Variants in TOR1AIP1 observed in about 807,000 individuals in gnomAD.
The protein encoded by TOR1AIP1 is torsin-1A-interacting protein 1.
TOR1AIP1 carries 54 observed loss-of-function variants against 63.3 expected under a neutral mutation model. The ratio of observed to expected loss-of-function variants is 0.85; its 90% CI spans 0.69 to 1.07. The LOEUF (loss-of-function observed/expected upper bound fraction) is 1.07, where lower values mean the gene tolerates loss of function less well. Among genes scored for constraint, TOR1AIP1 ranks in the 50% least tolerant of loss-of-function variants. TOR1AIP1 has a pLI of 0.00. For missense variants in TOR1AIP1, 736 were observed against 715.0 expected (o/e 1.03, Z -0.33); for synonymous variants, 294 against 273.5 (o/e 1.07, Z -0.74).
Position 179,918,444 on chromosome 1 carries a change from T to A in TOR1AIP1, c.*205T>A. 1 of 578,460 alleles carries A rather than the reference T, an allele frequency of 1.7e-6. No homozygotes were observed. The highest frequency in any genetic ancestry group is 2.2e-5 in the South Asian group (1 of 44,634). The allele number at this position is 578,460 out of a possible 1,614,324, so 35.8% of individuals were successfully genotyped here. ...AATCATTTCAGTTTCCATTGAGAGC[T>A]CTGTTAAAGGTATCTTAGGAGTGCA... is the stretch of plus-strand genomic sequence containing the variant. On this transcript the variant is annotated 3_prime_UTR_variant, in exon 10 of 10. Coordinates refer to ENST00000606911, the MANE Select transcript of TOR1AIP1 (RefSeq NM_015602.4).
At chr1:179,892,660 G>C (rs1290274) in intron 3 of TOR1AIP1, among the ~76,000 whole-genome samples, 139,878 of 149,814 alleles carry the variant, frequency 0.93, 65,383 homozygotes, top group Middle Eastern at 0.97. Flanking sequence ...ATGGCGTGAA[G>C]TTGGGAGGTG....
At chr1:179,898,862 A>G (rs922641815) in intron 3 of TOR1AIP1, among the ~76,000 whole-genome samples, 1 of 152,090 alleles carries the variant, frequency 6.6e-6, no homozygotes, top group Non-Finnish European at 1.5e-5. Context: ...CTAGCTCTTT[A>G]AGAGTAACAT....
chr1:179,895,621 C>T (rs555755), intron 3 of TOR1AIP1, among the ~76,000 whole-genome samples: 141,925 of 152,200 alleles, frequency 0.93, 66,273 homozygotes, highest in Middle Eastern at 0.97. Flanking sequence ...AAAAAGAGGC[C>T]GGGCACGGTG....
In TOR1AIP1 at chr1:179,914,656, T is replaced by C. The variant is rs559674619; in HGVS notation, c.964+602T>C. Among the ~76,000 whole-genome samples the C allele has an allele frequency of 8.5e-5, 13 of 152,292 alleles. No homozygotes were observed. The South Asian group carries it at 2.7e-3, about 32-fold the overall frequency. Reference sequence around the variant, plus strand: ...TAAAAATACAAAAATTAGCTGGGCGTGGTGGCACACGCCTGTTGTCCCACC... The same window carrying C: ...TAAAAATACAAAAATTAGCTGGGCGCGGTGGCACACGCCTGTTGTCCCACC... On this transcript the variant is annotated intron_variant, in intron 9 of 9. Transcript: ENST00000606911.
chr1:179,882,556 C>T lies in TOR1AIP1; in HGVS notation c.54C>T (p.Tyr18=). ...CGGTGCGGGAAGGATGGGGTGTGTA[C>T]GTCACCCCCAGGGCCCCCATCCGAG... ...AEAVREGWGV[Y]VTPRAPIREG... Residue 18 remains tyrosine, a synonymous_variant, in exon 1 of 10, where the codon TAC becomes TAT. Coordinates refer to ENST00000606911, the MANE Select transcript of TOR1AIP1 (RefSeq NM_015602.4). The T allele has an allele frequency of 6.6e-7, 1 of 1,504,886 alleles. No individual in the cohort carries two copies. Among genetic ancestry groups the T allele is most frequent in the Non-Finnish European group, 8.8e-7 (1 of 1,130,688 alleles). The allele number at this position is 1,504,886 out of a possible 1,614,324, so 93.2% of individuals were successfully genotyped here. A position where few individuals can be genotyped will look rare whatever the true frequency, so the allele number is the denominator to read the frequency against.
intron 6 of TOR1AIP1, among the ~76,000 whole-genome samples, chr1:179,905,096 G>C (rs1222555560): frequency 2.0e-5 from 3 of 152,032 alleles, no homozygotes; most frequent in Non-Finnish European, 4.4e-5. Flanking sequence ...CTTTTGGAAG[G>C]CCAGGCGTGG....
In TOR1AIP1 at chr1:179,900,080, T is replaced by G. The variant is rs773873018; in HGVS notation, c.611-46T>G. On this transcript the variant is annotated intron_variant, in intron 3 of 9. Coordinates refer to ENST00000606911, the MANE Select transcript of TOR1AIP1 (RefSeq NM_015602.4). ...TTTTGTTTATTCCTAAGCTTTAACT[T>G]TTGATGTTATATGTTTAATATTTGA... The G allele has an allele frequency of 6.9e-6, 10 of 1,453,502 alleles. No individual in the cohort carries two copies. In the East Asian group the frequency reaches 2.3e-4, roughly 33 times the overall value. The allele number at this position is 1,453,502 out of a possible 1,614,324, so 90.0% of individuals were successfully genotyped here. A position where few individuals can be genotyped will look rare whatever the true frequency, so the allele number is the denominator to read the frequency against.
At chr1:179,912,127 C>A (rs1648864570) in intron 8 of TOR1AIP1, among the ~76,000 whole-genome samples, 1 of 150,992 alleles carries the variant, frequency 6.6e-6, no homozygotes, top group Non-Finnish European at 1.5e-5. Context: ...TGGGTTCAAG[C>A]GATTCTCATT....
intron 8 of TOR1AIP1, among the ~76,000 whole-genome samples, chr1:179,911,196 G>T (rs1040114916): frequency 2.0e-5 from 3 of 152,158 alleles, no homozygotes; most frequent in Non-Finnish European, 2.9e-5. Flanking sequence ...TGAGCAAGAA[G>T]AAAATATTTT....
At chr1:179,916,700 CTTTTTTTTTTTTT>C (rs3029850) in intron 9 of TOR1AIP1, among the ~76,000 whole-genome samples, 1 of 95,180 alleles carries the variant, frequency 1.1e-5, no homozygotes, top group Non-Finnish European at 1.9e-5. Context: ...GCATCCTTTT[CTTTTTTTTTTTTT>C]TTTTTTTTGA....
In TOR1AIP1 at chr1:179,882,659, GGCCGGCGGGAAGTGAGGTTCTCGGACGA is replaced by G; in HGVS notation, c.162_189del (p.Arg55GlnfsTer24). On this transcript the variant is annotated frameshift_variant, in exon 1 of 10. Coordinates refer to ENST00000606911, the MANE Select transcript of TOR1AIP1 (RefSeq NM_015602.4). LOFTEE classifies it high-confidence loss of function. ...GTACAGAACTCCTCCGTCGCGCCAG[GGCCGGCGGGAAGTGAGGTTCTCGGACGA>G]GCCGCCAGAAGTGTACGGCGACTTC... The G allele has an allele frequency of 6.3e-7, 1 of 1,586,186 alleles. No homozygotes were observed. Among genetic ancestry groups the G allele is most frequent in the South Asian group, 1.1e-5 (1 of 87,532 alleles).
At chr1:179,890,561 A>G (rs1049009051) in intron 3 of TOR1AIP1, among the ~76,000 whole-genome samples, 1 of 152,222 alleles carries the variant, frequency 6.6e-6, no homozygotes, top group Non-Finnish European at 1.5e-5. Context: ...ATACAAAACA[A>G]ATAGAAATAC....
At chr1:179,905,414 A>G (rs113317531) in intron 6 of TOR1AIP1, among the ~76,000 whole-genome samples, 2 of 152,208 alleles carry the variant, frequency 1.3e-5, no homozygotes, top group African/African-American at 4.8e-5. Flanking sequence ...GCCTTTGGAA[A>G]TCTTTTTTAA....
chr1:179,892,170 A>C (rs1648104918), intron 3 of TOR1AIP1, among the ~76,000 whole-genome samples: 1 of 152,148 alleles, frequency 6.6e-6, no homozygotes, highest in Non-Finnish European at 1.5e-5. Flanking sequence ...ACTTCTTTAG[A>C]GACTTAAAAA....
At chr1:179,907,917 T>TTTTG in intron 7 of TOR1AIP1, 53 bp downstream of exon 7, 1 of 1,164,158 alleles carries the variant, frequency 8.6e-7, no homozygotes, top group Non-Finnish European at 1.2e-6. Context: ...TTTTCTCTTT[T>TTTTG]TTTTTTTTTT....
chr1:179,914,014 A>G lies in TOR1AIP1; in HGVS notation c.924A>G (p.Lys308=). The G allele has an allele frequency of 6.2e-7, 1 of 1,613,980 alleles. No individual in the cohort carries two copies. The change falls in exon 9 of 10, where the codon AAA becomes AAG. Residue 308 remains lysine (K), a synonymous_variant. Coordinates refer to ENST00000606911, the MANE Select transcript of TOR1AIP1 (RefSeq NM_015602.4). ...RTRMQNDSIL[K]SELGNQSPST... ...CACCATTAGATGACAGCATTCTGAA[A>G]TCAGAGCTTGGAAACCAGTCACCAT...
At chr1:179,890,700 C>T (rs1001396737) in intron 3 of TOR1AIP1, among the ~76,000 whole-genome samples, 3 of 152,034 alleles carry the variant, frequency 2.0e-5, no homozygotes, top group Admixed American at 2.0e-4. Flanking sequence ...TATTGTAGTC[C>T]CAGCTACTCT....
In TOR1AIP1 at chr1:179,882,589, G is replaced by T; in HGVS notation, c.87G>T (p.Arg29Ser). ...CCAGGGCCCCCATCCGAGAGGGAAG[G>T]GGCCGGCTCGCCCCTCAAAATGGCG... ...VTPRAPIREGRGRLAPQNGGS... is the reference protein window; with the variant it reads ...VTPRAPIREGSGRLAPQNGGS... Residue 29 changes from arginine to serine, a missense_variant, in exon 1 of 10, where the codon AGG (arginine) becomes AGT (serine). By Grantham distance (110) the Arg-to-Ser change is moderately radical (BLOSUM62 -1). This residue lies in a region of TOR1AIP1 where 464 missense variants were observed against 371.0 expected (regional missense o/e 1.25). Transcript: ENST00000606911. 6.6e-7 allele frequency: 1 copy of T among 1,524,040 alleles called. No individual in the cohort carries two copies. The highest frequency in any genetic ancestry group is 8.8e-7 in the Non-Finnish European group (1 of 1,138,686). 94.4% of individuals were successfully genotyped at this position (1,524,040 alleles called of 1,614,324 possible).
At chr1:179,899,912 C>T (rs1043531907) in intron 3 of TOR1AIP1, among the ~76,000 whole-genome samples, 7 of 152,080 alleles carry the variant, frequency 4.6e-5, no homozygotes, top group African/African-American at 9.7e-5. Context: ...CCCAAAGTGC[C>T]GGGATTATAG....
Sources: allele counts gnomAD v4.1 joint callset (sites outside exome capture counted in the v4.1 genomes callset), GRCh38; gene constraint gnomAD v4.1.1; regional missense constraint gnomAD v4.1.1; transcripts MANE v1.5; gene names NCBI Gene and HGNC (gene_info 2026-07-23, HGNC 2026-07-21).